MOV10L1: variants seen among roughly 807,000 people sequenced by gnomAD.
The protein encoded by MOV10L1 is RNA helicase Mov10l1.
MOV10L1 carries 110 observed loss-of-function variants against 143.8 expected under a neutral mutation model. The ratio of observed to expected loss-of-function variants is 0.76; its 90% CI spans 0.66 to 0.90. The LOEUF (loss-of-function observed/expected upper bound fraction) is 0.90, where lower values mean the gene tolerates loss of function less well. Among genes scored for constraint, MOV10L1 ranks in the 40% least tolerant of loss-of-function variants. MOV10L1 has a pLI of 0.00. For synonymous variants in MOV10L1, 593 were observed against 581.1 expected (o/e 1.02, Z -0.29); for missense variants, 1,406 against 1,526.8 (o/e 0.92, Z 1.32).
chr22:50,090,385 C>T (rs1020701520), intron 1 of MOV10L1, 200 bp downstream of exon 1: 27 of 1,550,026 alleles, frequency 1.7e-5, no homozygotes, highest in African/African-American at 2.7e-5. Flanking sequence ...TCTGGGCGCC[C>T]GTCCTCTGTG....
rs772738009 is a variant in MOV10L1, at chr22:50,142,051, T to A, written c.2071-30T>A. 18 of 1,594,924 alleles carry A rather than the reference T, an allele frequency of 1.1e-5. No homozygotes were observed. In the East Asian group the frequency reaches 2.0e-4, roughly 18 times the overall value. On this transcript the variant is annotated intron_variant, in intron 15 of 26. Coordinates refer to ENST00000262794, the MANE Select transcript of MOV10L1 (RefSeq NM_018995.3). ...GCCAGTGTAAACACAGCTGTTTTTT[T>A]AAAACATTTTTCTGCCTGATAATTT...
chr22:50,131,491 A>C (rs1000409928), intron 13 of MOV10L1, among the ~76,000 whole-genome samples: 1 of 152,118 alleles, frequency 6.6e-6, no homozygotes, highest in African/African-American at 2.4e-5. Context: ...AGATCTTTTA[A>C]TGATGCATCT....
chr22:50,102,251 A>G (rs1335122472), intron 3 of MOV10L1, among the ~76,000 whole-genome samples: 1 of 152,210 alleles, frequency 6.6e-6, no homozygotes, highest in Non-Finnish European at 1.5e-5. Flanking sequence ...GAGAAAATAC[A>G]ATGTGCAAAA....
chr22:50,097,503 T>G (rs967046102), intron 2 of MOV10L1, among the ~76,000 whole-genome samples: 7 of 152,226 alleles, frequency 4.6e-5, no homozygotes, highest in Non-Finnish European at 8.8e-5. Flanking sequence ...AGCACTATTT[T>G]TTTTTGAGAC....
rs547986602 is a variant in MOV10L1 at position 50,114,511 on chromosome 22, G to C, written c.1015G>C (p.Glu339Gln). The C allele has an allele frequency of 4.1e-5, 66 of 1,614,182 alleles. 1 individual carries two copies. In the South Asian group the frequency reaches 7.0e-4, roughly 17 times the overall value. ...CGTGGTATCTTTTGTTTCTGTTCCT[G>C]AGAAGGAGAATTCATCAGATGAAAA... ...CPVVSFVSVP[E>Q]KENSSDENIN... is the part of the protein sequence containing the mutation. Residue 339 changes from glutamate to glutamine, a missense_variant, in exon 7 of 27, where the codon GAG (glutamate) becomes CAG (glutamine). Glu to Gln is a conservative substitution (Grantham distance 29). Transcript: ENST00000262794.
At chr22:50,140,449 CCTT>C (rs1275404653) in intron 15 of MOV10L1, among the ~76,000 whole-genome samples, 3 of 152,142 alleles carry the variant, frequency 2.0e-5, no homozygotes, top group Non-Finnish European at 4.4e-5. Context: ...ATAGGCATAA[CCTT>C]CTAGACCATG....
chr22:50,155,935 C>A (rs889435543), intron 22 of MOV10L1, among the ~76,000 whole-genome samples: 2 of 152,100 alleles, frequency 1.3e-5, no homozygotes, highest in African/African-American at 4.8e-5. Context: ...CTTGTGGTCC[C>A]AGCTACTCAG....
chr22:50,111,567 G>A (rs759592112), intron 5 of MOV10L1, among the ~76,000 whole-genome samples: 17 of 145,212 alleles, frequency 1.2e-4, no homozygotes, highest in South Asian at 6.6e-4. Flanking sequence ...GCAGTGGCGC[G>A]ATCTCTGCTC....
intron 19 of MOV10L1, among the ~76,000 whole-genome samples, chr22:50,147,590 A>G (rs1006178977): frequency 6.6e-6 from 1 of 151,918 alleles, no homozygotes; most frequent in Non-Finnish European, 1.5e-5. Context: ...CGCTCTGTGC[A>G]GAAGCAGGGA....
intron 3 of MOV10L1, among the ~76,000 whole-genome samples, chr22:50,104,264 G>C: frequency 6.6e-6 from 1 of 152,234 alleles, no homozygotes; most frequent in East Asian, 1.9e-4. Flanking sequence ...ACTTCCTGCT[G>C]TGCAGCTTGG....
chr22:50,143,858 C>T (rs1327065109), intron 17 of MOV10L1, among the ~76,000 whole-genome samples: 1 of 152,234 alleles, frequency 6.6e-6, no homozygotes, highest in Non-Finnish European at 1.5e-5. Context: ...GACTCTGTTT[C>T]TGCCCTGAAA....
At chr22:50,161,162 T>C in intron 26 of MOV10L1, 107 bp downstream of exon 26, 1 of 1,228,548 alleles carries the variant, frequency 8.1e-7, no homozygotes, top group Non-Finnish European at 1.2e-6. Context: ...CCTGCAGCCT[T>C]AGCCCTCTGC....
intron 3 of MOV10L1, among the ~76,000 whole-genome samples, chr22:50,099,863 CTTTG>C: frequency 1.3e-5 from 2 of 152,248 alleles, no homozygotes; most frequent in East Asian, 1.9e-4. Context: ...TTTGGGCATG[CTTTG>C]TTTGTTGAGA....
intron 22 of MOV10L1, among the ~76,000 whole-genome samples, chr22:50,155,268 T>G (rs566263079): frequency 4.0e-5 from 6 of 151,082 alleles, no homozygotes; most frequent in South Asian, 4.2e-4. Flanking sequence ...TGTGGGTTTT[T>G]TTTTTTTTTT....
At chr22:50,115,612 G>T (rs2062151776) in intron 8 of MOV10L1, among the ~76,000 whole-genome samples, 1 of 152,168 alleles carries the variant, frequency 6.6e-6, no homozygotes, top group South Asian at 2.1e-4. Context: ...AAAAGCATTG[G>T]TCTAGAAGCT....
intron 18 of MOV10L1, 127 bp from the exon 19 acceptor site, chr22:50,145,562 T>C (rs2063130543): frequency 1.6e-6 from 2 of 1,226,786 alleles, no homozygotes; most frequent in East Asian, 2.4e-5. Context: ...GTATGAGATA[T>C]TTTGAGAAAA....
At chr22:50,160,149 G>C (rs990089636) in intron 24 of MOV10L1, among the ~76,000 whole-genome samples, 1 of 151,942 alleles carries the variant, frequency 6.6e-6, no homozygotes, top group African/African-American at 2.4e-5. Flanking sequence ...AAGCGTGAGG[G>C]CTCCCTGTCT....
At position 50,159,796 on chromosome 22, in the gene MOV10L1, C is replaced by G. The variant is rs2063509766; in HGVS notation, c.3324+11C>G. 2.5e-6 allele frequency: 4 copies of G among 1,577,918 alleles called. No homozygotes were observed. Among genetic ancestry groups the G allele is most frequent in the Admixed American group, 3.4e-5 (2 of 59,424 alleles). ...ATCATCATTTCGACCGTAGGTATCC[C>G]TGTTCTCCGTGGGGATGGACAGTCA... On this transcript the variant is annotated intron_variant, in intron 24 of 26. Coordinates refer to ENST00000262794, the MANE Select transcript of MOV10L1 (RefSeq NM_018995.3). The surrounding 1 kb of genome is among the most constrained non-coding windows in gnomAD (Gnocchi z 4.1).
rs189733342 is a variant in MOV10L1 at position 50,144,643 on chromosome 22, A to G, written c.2505+400A>G. ...GTCGCCCAGGCTGAAGTGCAGTGGC[A>G]TGATCTCGGCTCACTGCAAGCTCCG... On this transcript the variant is annotated intron_variant, in intron 18 of 26. Transcript: ENST00000262794. 5.4e-3 allele frequency among the ~76,000 whole-genome samples: 802 copies of G among 149,360 alleles called. 22 individuals are homozygous for G. The highest frequency in any genetic ancestry group is 0.028 in the Admixed American group (426 of 15,082).
Sources: gnomAD v4.1 joint callset for allele counts (sites outside exome capture counted in the v4.1 genomes callset) on GRCh38, gnomAD v4.1.1 for gene constraint, Gnocchi (gnomAD v3.1) non-coding constraint, MANE v1.5 for transcripts, NCBI Gene and HGNC (gene_info 2026-07-23, HGNC 2026-07-21) for gene names.